Variants in MAPK10 observed in about 807,000 individuals in gnomAD.
The protein encoded by MAPK10 is mitogen-activated protein kinase 10.
MAPK10 carries 25 observed loss-of-function variants against 59.3 expected under a neutral mutation model. The observed-to-expected ratio is 0.42, with a 90% CI of 0.31 to 0.59. The LOEUF (loss-of-function observed/expected upper bound fraction) is 0.59. Ranked by LOEUF, MAPK10 falls within the 20% of genes least tolerant of loss-of-function variation. The pLI is 0.15. For missense variants in MAPK10, 351 were observed against 568.9 expected (o/e 0.62, Z 3.90); for synonymous variants, 190 against 200.5 (o/e 0.95, Z 0.44).
chr4:86,157,855 T>A (rs778360125), intron 4 of MAPK10, among the ~76,000 whole-genome samples: 4 of 152,028 alleles, frequency 2.6e-5, no homozygotes, highest in African/African-American at 9.7e-5. Context: ...ATCAGTTTTC[T>A]TTCACTGACA....
At chr4:86,401,471 T>C (rs1743718712) in intron 1 of MAPK10, among the ~76,000 whole-genome samples, 1 of 152,218 alleles carries the variant, frequency 6.6e-6, no homozygotes, top group Non-Finnish European at 1.5e-5. Context: ...GTTCTTGAGA[T>C]AACTAAAAGC....
chr4:86,359,263 C>CCTCCCTCTCTCT (rs1736051540), intron 1 of MAPK10, among the ~76,000 whole-genome samples: 1 of 53,452 alleles, frequency 1.9e-5, no homozygotes, highest in Non-Finnish European at 3.8e-5. Context: ...TTTTTTTTTT[C>CCTCCCTCTCTCT]CTCTCTCTCT....
chr4:86,531,694 A>G (rs1757861972), intron 1 of MAPK10, among the ~76,000 whole-genome samples: 1 of 152,220 alleles, frequency 6.6e-6, no homozygotes, highest in African/African-American at 2.4e-5. Flanking sequence ...AAATGGGGAC[A>G]GGATTTGGAG....
intron 2 of MAPK10, chr4:86,352,045 T>C (rs1277474713): frequency 6.6e-6 from 1 of 152,210 alleles, no homozygotes; most frequent in East Asian, 1.9e-4. Flanking sequence ...TAAGAACTTG[T>C]AAATCAAGTG....
At chr4:86,146,241 G>T (rs1388725030) in intron 4 of MAPK10, among the ~76,000 whole-genome samples, 1 of 152,206 alleles carries the variant, frequency 6.6e-6, no homozygotes, top group Non-Finnish European at 1.5e-5. Flanking sequence ...CTATGTTAGA[G>T]TTAGAAATTC....
chr4:86,066,966 T>C (rs559245856), intron 10 of MAPK10, among the ~76,000 whole-genome samples: 1 of 152,234 alleles, frequency 6.6e-6, no homozygotes, highest in East Asian at 1.9e-4. Flanking sequence ...GAATACATTC[T>C]TCTCTTTGGT....
intron 2 of MAPK10, among the ~76,000 whole-genome samples, chr4:86,209,106 A>T (rs1294147150): frequency 6.6e-6 from 1 of 152,116 alleles, no homozygotes; most frequent in Non-Finnish European, 1.5e-5. Flanking sequence ...CACAAAATGC[A>T]AGGAGAGATC....
At chr4:86,106,769 C>T (rs1489990731) in intron 5 of MAPK10, 2 of 152,308 alleles carry the variant, frequency 1.3e-5, no homozygotes, top group African/African-American at 4.8e-5. Context: ...GAGGCCACCA[C>T]CAGGCTACAG....
At chr4:86,421,792 T>C (rs1182555697) in intron 1 of MAPK10, among the ~76,000 whole-genome samples, 4 of 152,172 alleles carry the variant, frequency 2.6e-5, no homozygotes, top group Non-Finnish European at 5.9e-5. Context: ...AGTAGGATCG[T>C]GCCGCTCCTC....
intron 4 of MAPK10, among the ~76,000 whole-genome samples, chr4:86,115,590 T>G (rs901609862): frequency 6.6e-6 from 1 of 152,162 alleles, no homozygotes; most frequent in Non-Finnish European, 1.5e-5. Context: ...GCCTCCTGAG[T>G]AGCTGGGATT....
chr4:86,548,179 G>A (rs933585817), intron 1 of MAPK10, among the ~76,000 whole-genome samples: 20 of 152,132 alleles, frequency 1.3e-4, no homozygotes, highest in East Asian at 3.9e-4. Flanking sequence ...TGAAGCCAGC[G>A]AGACCACGAA....
intron 1 of MAPK10, among the ~76,000 whole-genome samples, chr4:86,492,157 A>T (rs186437259): frequency 9.2e-5 from 14 of 152,334 alleles, no homozygotes; most frequent in Admixed American, 2.6e-4. Flanking sequence ...TAAGGGTAAG[A>T]GAAGTAAGAA....
chr4:86,058,418 A>C (rs2045070272), intron 11 of MAPK10, among the ~76,000 whole-genome samples: 1 of 149,308 alleles, frequency 6.7e-6, no homozygotes, highest in Admixed American at 6.6e-5. Context: ...TTTGTCTGTC[A>C]GTTGCCTTAG....
At position 86,073,651 on chromosome 4, in the gene MAPK10, A is replaced by G. The variant is rs1030751362; in HGVS notation, c.803-5696T>C. Among the ~76,000 whole-genome samples, 3 of 108,420 alleles carry G rather than the reference A, an allele frequency of 2.8e-5. 1 individual carries two copies. The highest frequency in any genetic ancestry group is 7.8e-5 in the African/African-American group (2 of 25,730). 71.1% of individuals were successfully genotyped at this position (108,420 alleles called of 152,430 possible). On this transcript the variant is annotated intron_variant, in intron 9 of 13. Coordinates refer to ENST00000641462, the MANE Select transcript of MAPK10 (RefSeq NM_138982.4). Reference sequence around the variant, plus strand: ...TATTTCTGCCTTCATTTCGTTATGTACCCAGTAGTCATTCAGGAGCAGGTT... The same window carrying G: ...TATTTCTGCCTTCATTTCGTTATGTGCCCAGTAGTCATTCAGGAGCAGGTT...
At chr4:86,114,259 G>A (rs1326101462) in intron 4 of MAPK10, among the ~76,000 whole-genome samples, 3 of 152,176 alleles carry the variant, frequency 2.0e-5, no homozygotes, top group Non-Finnish European at 4.4e-5. Context: ...TGCCCCCACT[G>A]GAGAGGTGCT....
intron 2 of MAPK10, chr4:86,277,303 T>C (rs1326242750): frequency 6.6e-6 from 1 of 152,136 alleles, no homozygotes; most frequent in Non-Finnish European, 1.5e-5. Context: ...TAATGGCTTC[T>C]CTCCTACTTC....
At chr4:86,079,362 T>C (rs1190648700) in intron 9 of MAPK10, 1 of 152,178 alleles carries the variant, frequency 6.6e-6, no homozygotes, top group Non-Finnish European at 1.5e-5. Flanking sequence ...ACATGTAACA[T>C]ATATATTAAT....
chr4:86,146,760 A>G (rs966568858), intron 4 of MAPK10, among the ~76,000 whole-genome samples: 2 of 152,222 alleles, frequency 1.3e-5, no homozygotes, highest in African/African-American at 2.4e-5. Context: ...GAACACTTCT[A>G]TTATGTTTGA....
chr4:86,377,846 C>T (rs939603243), intron 1 of MAPK10, among the ~76,000 whole-genome samples: 11 of 152,088 alleles, frequency 7.2e-5, no homozygotes, highest in Admixed American at 3.3e-4. Flanking sequence ...TGTTCGAGGG[C>T]AGGAAGCATC....
Sources: allele counts gnomAD v4.1 joint callset (sites outside exome capture counted in the v4.1 genomes callset), GRCh38; gene constraint gnomAD v4.1.1; transcripts MANE v1.5; gene names NCBI Gene and HGNC (gene_info 2026-07-23, HGNC 2026-07-21).